The following RBFOX1 variants were observed in gnomAD, a reference collection of about 807,000 sequenced individuals.
The protein encoded by RBFOX1 is RNA binding protein fox-1 homolog 1.
A neutral mutation model predicts 57.7 loss-of-function variants in RBFOX1; 8 were observed. The ratio of observed to expected loss-of-function variants is 0.14; its 90% confidence interval spans 0.08 to 0.25. RBFOX1 has a LOEUF of 0.25. RBFOX1 is among the 10% of genes least tolerant of loss of function. The pLI is 1.00. For synonymous variants in RBFOX1, 326 were observed against 222.4 expected, an observed-to-expected ratio of 1.47 and a Z score of -4.15; for missense variants, 611 against 548.5, an observed-to-expected ratio of 1.11 and a Z score of -1.14.
At chr16:6,540,489 G>A (rs1292218914) in intron 2 of RBFOX1, among the ~76,000 whole-genome samples, 1 of 151,786 alleles carries the variant, frequency 6.6e-6, no homozygotes, top group Non-Finnish European at 1.5e-5. Context: ...GCATGCGCAT[G>A]TAGTCCTAGC....
chr16:7,504,744 TATATA>T (rs2072412796), intron 4 of RBFOX1, among the ~76,000 whole-genome samples: 2 of 15,120 alleles, frequency 1.3e-4, no homozygotes, highest in South Asian at 2.9e-3. Flanking sequence ...TATATATATA[TATATA>T]TATATTTATA....
intron 5 of RBFOX1, among the ~76,000 whole-genome samples, chr16:7,528,621 C>A (rs2079241556): frequency 6.6e-6 from 1 of 152,142 alleles, no homozygotes; most frequent in African/African-American, 2.4e-5. Flanking sequence ...AGCTCAGTAG[C>A]TCAGTACTGC....
At chr16:7,251,196 A>G (rs906867294) in intron 4 of RBFOX1, among the ~76,000 whole-genome samples, 2 of 152,094 alleles carry the variant, frequency 1.3e-5, no homozygotes, top group Non-Finnish European at 2.9e-5. Flanking sequence ...GCCCCTGGTA[A>G]GCAAACTTCT....
intron 3 of RBFOX1, among the ~76,000 whole-genome samples, chr16:7,013,389 G>C (rs1011934379): frequency 6.6e-6 from 1 of 152,134 alleles, no homozygotes; most frequent in Non-Finnish European, 1.5e-5. Flanking sequence ...CCCACTTTCT[G>C]ACCCAGAGAA....
intron 2 of RBFOX1, among the ~76,000 whole-genome samples, chr16:6,553,348 G>A (rs557877175): frequency 6.6e-6 from 1 of 152,328 alleles, no homozygotes; most frequent in African/African-American, 2.4e-5. Flanking sequence ...GCAAATGCTG[G>A]GGATAATGTG....
chr16:5,388,010 G>T (rs2151410410), intron 1 of RBFOX1, among the ~76,000 whole-genome samples: 1 of 152,236 alleles, frequency 6.6e-6, no homozygotes, highest in African/African-American at 2.4e-5. Flanking sequence ...TCTAGAAAGT[G>T]GGAAAGATAA....
At chr16:5,723,354 G>T (rs1272233344) in intron 3 of RBFOX1, among the ~76,000 whole-genome samples, 1 of 151,970 alleles carries the variant, frequency 6.6e-6, no homozygotes, top group Non-Finnish European at 1.5e-5. Flanking sequence ...TTGGTCTAAG[G>T]CTGAGTAGTC....
chr16:6,999,485 A>AGTGCAATGAT (rs2077482451), intron 3 of RBFOX1, among the ~76,000 whole-genome samples: 1 of 151,566 alleles, frequency 6.6e-6, no homozygotes, highest in Non-Finnish European at 1.5e-5. Flanking sequence ...CCCAGGCTGG[A>AGTGCAATGAT]GCATTCTCAG....
At chr16:5,899,785 C>G (rs2058262569) in intron 4 of RBFOX1, among the ~76,000 whole-genome samples, 1 of 152,162 alleles carries the variant, frequency 6.6e-6, no homozygotes, top group Non-Finnish European at 1.5e-5. Flanking sequence ...GCGACAGTTC[C>G]TTTGATGGCC....
At chr16:6,814,763 G>A (rs905322198) in intron 3 of RBFOX1, among the ~76,000 whole-genome samples, 1 of 152,066 alleles carries the variant, frequency 6.6e-6, no homozygotes, top group Non-Finnish European at 1.5e-5. Context: ...GAGAGGTGGG[G>A]CTAGAGTTGA....
chr16:6,386,382 C>G (rs140815968), intron 2 of RBFOX1, among the ~76,000 whole-genome samples: 6 of 152,280 alleles, frequency 3.9e-5, no homozygotes, highest in African/African-American at 9.6e-5. Flanking sequence ...AGTGTATTTT[C>G]TATCATGATT....
upstream of RBFOX1, among the ~76,000 whole-genome samples, chr16:6,014,624 G>C (rs1196311803): frequency 6.6e-6 from 1 of 152,150 alleles, no homozygotes; most frequent in Non-Finnish European, 1.5e-5. Flanking sequence ...TCCTCAGACT[G>C]ACTGTTTTAA....
chr16:5,438,824 T>C (rs1426810416), intron 1 of RBFOX1, among the ~76,000 whole-genome samples: 1 of 152,070 alleles, frequency 6.6e-6, no homozygotes, highest in African/African-American at 2.4e-5. Context: ...CATCTTGCAC[T>C]CTTTAGGGTC....
At chr16:5,751,288 T>G (rs965190732) in intron 3 of RBFOX1, among the ~76,000 whole-genome samples, 4 of 152,194 alleles carry the variant, frequency 2.6e-5, no homozygotes, top group African/African-American at 9.6e-5. Flanking sequence ...ATTCTGGGCA[T>G]TATGCATTTC....
intron 1 of RBFOX1, among the ~76,000 whole-genome samples, chr16:6,277,423 C>T (rs982480105): frequency 7.4e-6 from 1 of 134,720 alleles, no homozygotes; most frequent in African/African-American, 2.9e-5. Flanking sequence ...CAGCGCTGCA[C>T]CCCAGAGAGA....
intron 11 of RBFOX1, among the ~76,000 whole-genome samples, chr16:7,635,119 A>G (rs2061554181): frequency 6.6e-6 from 1 of 152,192 alleles, no homozygotes. Context: ...GCGAATGCTC[A>G]ACATCAAAAT....
intron 12 of RBFOX1, among the ~76,000 whole-genome samples, chr16:7,659,483 T>C (rs967846233): frequency 6.6e-6 from 1 of 152,286 alleles, no homozygotes; most frequent in African/African-American, 2.4e-5. Context: ...CAGAATACTT[T>C]AGACACAGGG....
At chr16:7,148,948 C>G (rs1348530842) in intron 4 of RBFOX1, among the ~76,000 whole-genome samples, 1 of 152,200 alleles carries the variant, frequency 6.6e-6, no homozygotes, top group Non-Finnish European at 1.5e-5. Context: ...CATTTCATTT[C>G]AAGAAGGCAC....
intron 4 of RBFOX1, among the ~76,000 whole-genome samples, chr16:7,459,778 T>G (rs1016141645): frequency 2.6e-5 from 4 of 152,196 alleles, no homozygotes; most frequent in African/African-American, 9.7e-5. Context: ...AAATGTAGTT[T>G]TGGGATTTAA....
Sources: gnomAD v4.1 joint callset for allele counts (sites outside exome capture counted in the v4.1 genomes callset) on GRCh38, gnomAD v4.1.1 for gene constraint, MANE v1.5 for transcripts, NCBI Gene and HGNC (gene_info 2026-07-23, HGNC 2026-07-21) for gene names.